Variants in CFAP210 observed in about 807,000 individuals in gnomAD.
The protein encoded by CFAP210 is cilia- and flagella- associated protein 210.
At chr2:169,685,909 C>T in the CFAP210 span, among the ~76,000 whole-genome samples, 1 of 152,150 alleles carries the variant, frequency 6.6e-6, no homozygotes, top group African/African-American at 2.4e-5. Context: ...CTTGTCAAAA[C>T]CCACTTAGTA....
chr2:169,646,885 C>T, the CFAP210 span, among the ~76,000 whole-genome samples: 2 of 152,006 alleles, frequency 1.3e-5, no homozygotes, highest in African/African-American at 4.8e-5. Context: ...TTCTCTGTGG[C>T]ATTTTAAGAA....
At chr2:169,688,815 C>A in the CFAP210 span, among the ~76,000 whole-genome samples, 2 of 152,318 alleles carry the variant, frequency 1.3e-5, no homozygotes, top group South Asian at 4.1e-4. Context: ...TCAAACTGTT[C>A]CAATCTCTGC....
At chr2:169,667,136 TTTTTTC>T in the CFAP210 span, among the ~76,000 whole-genome samples, 9 of 114,684 alleles carry the variant, frequency 7.8e-5, no homozygotes, top group Non-Finnish European at 1.2e-4. Context: ...ACAAATTTTC[TTTTTTC>T]TTTTTTTTTT....
At chr2:169,677,508 T>A in the CFAP210 span, among the ~76,000 whole-genome samples, 1 of 152,134 alleles carries the variant, frequency 6.6e-6, no homozygotes, top group Non-Finnish European at 1.5e-5. Context: ...AAATCTAACA[T>A]CCATTTCTGA....
the CFAP210 span, among the ~76,000 whole-genome samples, chr2:169,690,716 A>G: frequency 2.0e-5 from 3 of 151,742 alleles, no homozygotes; most frequent in African/African-American, 4.8e-5. Context: ...TAATTTGAAT[A>G]TATTAGCCTG....
the CFAP210 span, chr2:169,654,196 G>A: frequency 6.3e-7 from 1 of 1,586,214 alleles, no homozygotes; most frequent in Non-Finnish European, 8.6e-7. Context: ...TTGATAATAT[G>A]TTTATCCTGC....
the CFAP210 span, among the ~76,000 whole-genome samples, chr2:169,679,790 G>T: frequency 6.6e-6 from 1 of 151,450 alleles, no homozygotes; most frequent in Non-Finnish European, 1.5e-5. Context: ...GCAGTATTTG[G>T]TGAAATCTAA....
At chr2:169,655,411 C>G in the CFAP210 span, among the ~76,000 whole-genome samples, 1 of 152,218 alleles carries the variant, frequency 6.6e-6, no homozygotes, top group Non-Finnish European at 1.5e-5. Context: ...GCACTCTTAA[C>G]TAATCTCCTA....
chr2:169,679,680 C>CAG, the CFAP210 span, among the ~76,000 whole-genome samples: 1 of 57,494 alleles, frequency 1.7e-5, no homozygotes, highest in East Asian at 5.9e-4. Flanking sequence ...GACTCCATCT[C>CAG]AAAAAAAAAA....
At chr2:169,650,573 G>T in the CFAP210 span, 1 of 1,355,098 alleles carries the variant, frequency 7.4e-7, no homozygotes. Flanking sequence ...ATGTCCAATG[G>T]AGCCAACATA....
At chr2:169,681,786 C>T in the CFAP210 span, among the ~76,000 whole-genome samples, 3 of 152,192 alleles carry the variant, frequency 2.0e-5, no homozygotes, top group Non-Finnish European at 4.4e-5. Flanking sequence ...AGAAACAGGA[C>T]AAAAGGTTTA....
At chr2:169,692,479 CA>C in the CFAP210 span, among the ~76,000 whole-genome samples, 1 of 149,022 alleles carries the variant, frequency 6.7e-6, no homozygotes, top group African/African-American at 2.5e-5. Context: ...CACACACACA[CA>C]CCACACAGAG....
the CFAP210 span, among the ~76,000 whole-genome samples, chr2:169,647,003 C>A: frequency 6.6e-6 from 1 of 151,868 alleles, no homozygotes; most frequent in African/African-American, 2.4e-5. Flanking sequence ...AAAATAGTAA[C>A]CCAAACCTGA....
chr2:169,649,212 T>A, the CFAP210 span: 2 of 1,613,042 alleles, frequency 1.2e-6, no homozygotes, highest in Non-Finnish European at 1.7e-6. Context: ...CTTGAACCTC[T>A]TGATGTTCTT....
chr2:169,693,907 T>C, the CFAP210 span, among the ~76,000 whole-genome samples: 1 of 152,186 alleles, frequency 6.6e-6, no homozygotes, highest in Non-Finnish European at 1.5e-5. Flanking sequence ...AATAACAAAC[T>C]TTAAGCGTGC....
At chr2:169,690,291 G>A in the CFAP210 span, among the ~76,000 whole-genome samples, 5 of 152,260 alleles carry the variant, frequency 3.3e-5, no homozygotes, top group Admixed American at 6.5e-5. Context: ...AGAATGAGCT[G>A]GAAAGTGCTC....
the CFAP210 span, among the ~76,000 whole-genome samples, chr2:169,651,357 C>T: frequency 3.3e-5 from 5 of 151,838 alleles, no homozygotes; most frequent in South Asian, 8.4e-4. Context: ...TACCACTGTA[C>T]TCCAGCCTGA....
chr2:169,667,142 CTTTT>C, the CFAP210 span, among the ~76,000 whole-genome samples: 2 of 58,046 alleles, frequency 3.4e-5, no homozygotes, highest in African/African-American at 6.6e-5. Context: ...TTTCTTTTTT[CTTTT>C]TTTTTTTTTT....
chr2:169,681,422 A>G, the CFAP210 span: 1 of 619,832 alleles, frequency 1.6e-6, no homozygotes, highest in East Asian at 2.9e-5. Context: ...GAAGGCATAT[A>G]TTTGAGTCCT....
Sources: gnomAD v4.1 joint callset for allele counts (sites outside exome capture counted in the v4.1 genomes callset) on GRCh38, gnomAD v4.1.1 for gene constraint, MANE v1.5 for transcripts, NCBI Gene and HGNC (gene_info 2026-07-23, HGNC 2026-07-21) for gene names.